Variants in ACOT11 observed in about 807,000 individuals in gnomAD.
The protein encoded by ACOT11 is acyl-CoA thioesterase 11, also known as acyl-coenzyme A thioesterase 11.
ACOT11 carries 69 observed loss-of-function variants against 77.5 expected under a neutral mutation model. The observed-to-expected ratio is 0.89, with a 90% CI of 0.73 to 1.09. The LOEUF (loss-of-function observed/expected upper bound fraction) is 1.09, where lower values mean the gene tolerates loss of function less well. ACOT11 is among the 50% of genes least tolerant of loss of function. The pLI is 0.00. For synonymous variants in ACOT11, 279 were observed against 313.0 expected, an observed-to-expected ratio of 0.89 and a Z score of 1.15; for missense variants, 766 against 813.7, an observed-to-expected ratio of 0.94 and a Z score of 0.71.
At position 54,594,094 on chromosome 1, in the gene ACOT11, ATGGCGAGTC is replaced by A. The variant is rs1654811817; in HGVS notation, c.471+60_471+68del. The A allele has an allele frequency of 3.9e-6, 6 of 1,528,694 alleles. No individual in the cohort carries two copies. The South Asian group carries it at 5.7e-5, about 14-fold the overall frequency. 94.7% of individuals were successfully genotyped at this position (1,528,694 alleles called of 1,614,324 possible). A position where few individuals can be genotyped will look rare whatever the true frequency, so the allele number is the denominator to read the frequency against. On this transcript the variant is annotated intron_variant, in intron 5 of 15. Transcript: ENST00000343744. ...CTGCTCAGTGACCTGGGCACCTGCC[ATGGCGAGTC>A]TGGCTCAGGGGAATGAGGTTAGGGG...
intron 15 of ACOT11, chr1:54,616,042 A>C (rs777059546): frequency 1.2e-6 from 2 of 1,613,920 alleles, no homozygotes; most frequent in East Asian, 4.5e-5. Context: ...AGCCCAGCAC[A>C]GCGTCCAGCC....
At chr1:54,576,961 C>G (rs980116073) in intron 1 of ACOT11, among the ~76,000 whole-genome samples, 14 of 152,180 alleles carry the variant, frequency 9.2e-5, no homozygotes, top group African/African-American at 3.4e-4. Flanking sequence ...ATAAAACTCA[C>G]CTTTTTATAA....
chr1:54,628,311 C>T (rs1350544601), intron 15 of ACOT11: 1 of 133,850 alleles, frequency 7.5e-6, no homozygotes, highest in African/African-American at 2.5e-5. Flanking sequence ...GAGGTGAAAC[C>T]AGGGGTGGTT....
intron 1 of ACOT11, among the ~76,000 whole-genome samples, chr1:54,550,592 T>C (rs528413834): frequency 6.6e-6 from 1 of 152,176 alleles, no homozygotes; most frequent in South Asian, 2.1e-4. Flanking sequence ...GGCAGGTGAA[T>C]TGCTTGAGCT....
chr1:54,605,112 T>C lies in ACOT11; in HGVS notation c.1273T>C (p.Ser425Pro), dbSNP rs1173416936. Reference protein sequence around the residue: ...LYTLEDDKFLSFHMEMVVHVD... With the variant: ...LYTLEDDKFLPFHMEMVVHVD... Reference sequence around the variant, plus strand: ...CACTCTGGAGGATGACAAGTTCCTCTCCTTCCACATGGAGATGGTGGTGCA... The same window carrying C: ...CACTCTGGAGGATGACAAGTTCCTCCCCTTCCACATGGAGATGGTGGTGCA... Residue 425 changes from serine (S) to proline (P), a missense_variant, in exon 13 of 16, where the codon TCC (serine) becomes CCC (proline). By Grantham distance (74) the Ser-to-Pro change is moderately conservative. Coordinates refer to ENST00000343744, the MANE Select transcript of ACOT11 (RefSeq NM_147161.4). The C allele has an allele frequency of 6.2e-7, 1 of 1,613,858 alleles. No individual in the cohort carries two copies. Among genetic ancestry groups the C allele is most frequent in the Non-Finnish European group, 8.5e-7 (1 of 1,180,024 alleles).
chr1:54,594,742 C>A, intron 6 of ACOT11, 51 bp downstream of exon 6: 1 of 1,564,120 alleles, frequency 6.4e-7, no homozygotes, highest in African/African-American at 1.4e-5. Flanking sequence ...TCCTGCATGG[C>A]CCCTCTGCCC....
intron 3 of ACOT11, among the ~76,000 whole-genome samples, chr1:54,592,114 A>G (rs1447377397): frequency 6.6e-6 from 1 of 152,192 alleles, no homozygotes; most frequent in East Asian, 1.9e-4. Flanking sequence ...TTACCCTAGT[A>G]GAGCTTAAGA....
chr1:54,619,909 A>G (rs1644212787), intron 15 of ACOT11: 1 of 1,614,016 alleles, frequency 6.2e-7, no homozygotes, highest in African/African-American at 1.3e-5. Flanking sequence ...GCTGCGTGGT[A>G]CCAGGTGACC....
intron 1 of ACOT11, among the ~76,000 whole-genome samples, chr1:54,554,317 G>C (rs529666677): frequency 1.2e-5 from 1 of 81,442 alleles, no homozygotes; most frequent in Admixed American, 1.3e-4. Flanking sequence ...GTGTGTGTGT[G>C]TGTGTGTGTG....
At chr1:54,573,930 G>A (rs1198875709) in intron 1 of ACOT11, among the ~76,000 whole-genome samples, 5 of 151,906 alleles carry the variant, frequency 3.3e-5, no homozygotes, top group Admixed American at 6.6e-5. Flanking sequence ...TCAGGAGGCT[G>A]TGGCAGGAGA....
At chr1:54,608,456 C>A (rs922958513) in intron 15 of ACOT11, among the ~76,000 whole-genome samples, 1 of 151,990 alleles carries the variant, frequency 6.6e-6, no homozygotes. Flanking sequence ...TGAGGGAAAG[C>A]GAGGGTGGGG....
chr1:54,567,531 A>C (rs965427604), intron 1 of ACOT11, among the ~76,000 whole-genome samples: 1 of 152,010 alleles, frequency 6.6e-6, no homozygotes, highest in African/African-American at 2.4e-5. Context: ...CACCCGCCTC[A>C]GCCTCCCAAA....
Position 54,599,012 on chromosome 1 carries a change from G to A in ACOT11, c.765-284G>A, listed in dbSNP as rs186636829. 8.3e-3 allele frequency among the ~76,000 whole-genome samples: 1,237 copies of A among 148,504 alleles called. 15 individuals carry two copies. Among genetic ancestry groups the A allele is most frequent in the African/African-American group, 0.029 (1,177 of 40,362 alleles). ...ATACAAAAAATTAGCTGGGCATGGTGGCGGACACCTGTAATCCCAGCTACT... is the reference window on the plus strand; with the variant it reads ...ATACAAAAAATTAGCTGGGCATGGTAGCGGACACCTGTAATCCCAGCTACT... On this transcript the variant is annotated intron_variant, in intron 7 of 15. Coordinates refer to ENST00000343744, the MANE Select transcript of ACOT11 (RefSeq NM_147161.4).
At chr1:54,551,589 A>G (rs1653068716) in intron 1 of ACOT11, among the ~76,000 whole-genome samples, 1 of 152,136 alleles carries the variant, frequency 6.6e-6, no homozygotes, top group Admixed American at 6.5e-5. Flanking sequence ...GAGGTGGGCA[A>G]GGGTCCTGGG....
intron 12 of ACOT11, 133 bp from the exon 13 acceptor site, chr1:54,604,943 A>C: frequency 1.1e-6 from 1 of 931,556 alleles, no homozygotes; most frequent in South Asian, 1.7e-5. Context: ...GCTGAGACTC[A>C]GAGAGGTTGA....
intron 5 of ACOT11, 35 bp downstream of exon 5, chr1:54,594,074 C>T (rs753188654): frequency 6.9e-6 from 11 of 1,593,176 alleles, no homozygotes; most frequent in Non-Finnish European, 7.7e-6. Context: ...GAACGCTGCT[C>T]AGTGACCTGG....
At chr1:54,611,231 C>A (rs972421864), downstream of ACOT11, among the ~76,000 whole-genome samples, 1 of 151,980 alleles carries the variant, frequency 6.6e-6, no homozygotes, top group East Asian at 1.9e-4. Flanking sequence ...GGCAGAAGTT[C>A]GAGACCAGCC....
At chr1:54,601,140 C>CATAT (rs74310754) in intron 8 of ACOT11, 129 bp from the exon 9 acceptor site, 1 of 768,384 alleles carries the variant, frequency 1.3e-6, no homozygotes, top group African/African-American at 1.8e-5. Flanking sequence ...TGTGTGCATA[C>CATAT]GTGTGTGTGT....
intron 4 of ACOT11, 43 bp from the exon 5 acceptor site, chr1:54,593,898 C>A: frequency 1.3e-6 from 2 of 1,548,404 alleles, no homozygotes; most frequent in Non-Finnish European, 1.8e-6. Context: ...CTGGTGAGTG[C>A]AATGTTGTTC....
Sources: allele counts gnomAD v4.1 joint callset (sites outside exome capture counted in the v4.1 genomes callset), GRCh38; gene constraint gnomAD v4.1.1; transcripts MANE v1.5; gene names NCBI Gene and HGNC (gene_info 2026-07-23, HGNC 2026-07-21).